ADGB: variants seen among roughly 807,000 people sequenced by gnomAD.
ADGB encodes androglobin.
A neutral mutation model predicts 210.5 loss-of-function variants in ADGB; 172 were observed. The observed-to-expected ratio is 0.82, with a 90% CI of 0.72 to 0.93. ADGB has a LOEUF of 0.93. Ranked by LOEUF, ADGB falls within the 40% of genes least tolerant of loss-of-function variation. The pLI is 0.00. For missense variants in ADGB, 2,025 were observed against 1,964.8 expected (o/e 1.03, Z -0.58); for synonymous variants, 658 against 662.7 (o/e 0.99, Z 0.11).
At chr6:146,801,791 A>G (rs758590942) in intron 34 of ADGB, 37 bp from the exon 35 acceptor site, 47 of 1,504,920 alleles carry the variant, frequency 3.1e-5, no homozygotes, top group Non-Finnish European at 4.1e-5. Flanking sequence ...AGAGTTCCCA[A>G]ATGAAATCTG....
intron 22 of ADGB, among the ~76,000 whole-genome samples, chr6:146,734,402 AT>A: frequency 6.6e-6 from 1 of 152,366 alleles, no homozygotes; most frequent in East Asian, 1.9e-4. Flanking sequence ...CAGCTAAGTC[AT>A]AGATATTTTC....
At chr6:146,754,297 C>T (rs895582323) in intron 27 of ADGB, among the ~76,000 whole-genome samples, 2 of 150,618 alleles carry the variant, frequency 1.3e-5, no homozygotes, top group African/African-American at 4.9e-5. Context: ...TGAATTTACT[C>T]TGTATTATTG....
chr6:146,697,834 C>A (rs894361397), intron 12 of ADGB, among the ~76,000 whole-genome samples: 1 of 152,094 alleles, frequency 6.6e-6, no homozygotes, highest in Non-Finnish European at 1.5e-5. Flanking sequence ...AAGAAAACTG[C>A]AGCTAGACAC....
intron 7 of ADGB, among the ~76,000 whole-genome samples, chr6:146,669,918 A>C (rs1486984077): frequency 6.6e-6 from 1 of 152,098 alleles, no homozygotes; most frequent in Non-Finnish European, 1.5e-5. Context: ...CATCCCTAGA[A>C]TGCATCATCT....
In ADGB at chr6:146,785,577, G is replaced by C. The variant is rs753827369; in HGVS notation, c.4213-33G>C. On this transcript the variant is annotated intron_variant, in intron 31 of 35. Coordinates refer to ENST00000397944, the MANE Select transcript of ADGB (RefSeq NM_024694.4). Reference sequence around the variant, plus strand: ...CTGTACTGGTTGTTGCTTTTGAAGAGCTTTTAAAAAGCTGCTCATGTTTGT... The same window carrying C: ...CTGTACTGGTTGTTGCTTTTGAAGACCTTTTAAAAAGCTGCTCATGTTTGT... 7 of 1,522,438 alleles carry C rather than the reference G, an allele frequency of 4.6e-6. No homozygotes were observed. In the East Asian group the frequency reaches 1.7e-4, roughly 37 times the overall value. The allele number at this position is 1,522,438 out of a possible 1,614,324, so 94.3% of individuals were successfully genotyped here. A position where few individuals can be genotyped will look rare whatever the true frequency, so the allele number is the denominator to read the frequency against.
Position 146,784,761 on chromosome 6 carries a change from C to T in ADGB, c.4179C>T (p.Ala1393=). The part of the protein sequence containing the change: ...RADEIRAMKQ[A]WETTEPGRAI... Reference sequence around the variant, plus strand: ...ATGAAATCCGAGCCATGAAACAAGCCTGGGAGACAACTGAGCCAGGAAGAG... The same window carrying T: ...ATGAAATCCGAGCCATGAAACAAGCTTGGGAGACAACTGAGCCAGGAAGAG... The change falls in exon 31 of 36, where the codon GCC becomes GCT. Residue 1393 remains alanine, a synonymous_variant. Coordinates refer to ENST00000397944, the MANE Select transcript of ADGB (RefSeq NM_024694.4). The T allele has an allele frequency of 1.3e-6, 2 of 1,550,088 alleles. No individual in the cohort carries two copies. The highest frequency in any genetic ancestry group is 1.7e-6 in the Non-Finnish European group (2 of 1,146,280).
At chr6:146,738,749 C>T (rs1164281521) in intron 23 of ADGB, among the ~76,000 whole-genome samples, 3 of 152,078 alleles carry the variant, frequency 2.0e-5, no homozygotes, top group East Asian at 1.9e-4. Flanking sequence ...TGAGCCACTG[C>T]GCCCGGCCGA....
At chr6:146,672,614 G>A in intron 8 of ADGB, 147 bp downstream of exon 8, 1 of 936,564 alleles carries the variant, frequency 1.1e-6, no homozygotes, top group Non-Finnish European at 1.5e-6. Flanking sequence ...GGAATTCAAG[G>A]CAGGTCACAG....
At chr6:146,774,224 A>T (rs1003004752) in intron 29 of ADGB, among the ~76,000 whole-genome samples, 1 of 152,172 alleles carries the variant, frequency 6.6e-6, no homozygotes, top group Non-Finnish European at 1.5e-5. Context: ...TCTAGTGGAA[A>T]ACTAGATAAA....
At chr6:146,656,249 T>C (rs1775779456) in intron 4 of ADGB, among the ~76,000 whole-genome samples, 1 of 152,178 alleles carries the variant, frequency 6.6e-6, no homozygotes, top group Non-Finnish European at 1.5e-5. Flanking sequence ...CTTAGAGCAT[T>C]TCAACAGCTA....
At position 146,701,025 on chromosome 6, in the gene ADGB, A is replaced by C. The variant is rs1234654141; in HGVS notation, c.1662A>C (p.Thr554=). The C allele has an allele frequency of 6.4e-7, 1 of 1,550,994 alleles. No homozygotes were observed. The highest frequency in any genetic ancestry group is 2.4e-5 in the East Asian group (1 of 40,842). Residue 554 remains threonine (T), a synonymous_variant, in exon 13 of 36, where the codon ACA becomes ACC. Transcript: ENST00000397944. ...TCAGTGAAACTGATGAAACTGCAAC[A>C]CATAGCCAGACAGACTTGAGTCAAA... The part of the protein sequence containing the change: ...PSVSETDETA[T]HSQTDLSQIT...
intron 1 of ADGB, among the ~76,000 whole-genome samples, chr6:146,608,487 C>T (rs1780662111): frequency 6.6e-6 from 1 of 152,048 alleles, no homozygotes; most frequent in Non-Finnish European, 1.5e-5. Context: ...TGAGAAGCGT[C>T]TAACTTTTTG....
chr6:146,751,426 T>A (rs1250122028), intron 26 of ADGB, among the ~76,000 whole-genome samples: 2 of 152,116 alleles, frequency 1.3e-5, no homozygotes, highest in African/African-American at 4.8e-5. Context: ...TTGTGAATAG[T>A]GCTGCGGTGA....
intron 13 of ADGB, among the ~76,000 whole-genome samples, chr6:146,704,070 G>A (rs990334779): frequency 6.6e-6 from 1 of 151,880 alleles, no homozygotes; most frequent in African/African-American, 2.4e-5. Flanking sequence ...GTGATGTTGA[G>A]CATTTTTTAA....
At chr6:146,774,511 A>G (rs915516393) in intron 29 of ADGB, among the ~76,000 whole-genome samples, 2 of 152,224 alleles carry the variant, frequency 1.3e-5, no homozygotes, top group Non-Finnish European at 2.9e-5. Flanking sequence ...CAGCAAAGAA[A>G]TTCAGAATTA....
intron 7 of ADGB, among the ~76,000 whole-genome samples, chr6:146,668,129 T>C (rs889514937): frequency 6.6e-6 from 1 of 152,144 alleles, no homozygotes; most frequent in African/African-American, 2.4e-5. Context: ...CACCGTTTTA[T>C]CATTTTACCA....
Position 146,807,311 on chromosome 6 carries a change from A to G in ADGB, c.4818+5300A>G, listed in dbSNP as rs1778226050. 3 of 1,333,060 alleles carry G rather than the reference A, an allele frequency of 2.3e-6. No individual in the cohort carries two copies. In the East Asian group the frequency reaches 7.6e-5, roughly 34 times the overall value. The allele number at this position is 1,333,060 out of a possible 1,614,324, so 82.6% of individuals were successfully genotyped here. Reference sequence around the variant, plus strand: ...TTTTGCCTATGAATGTGTGGGCATAAGGACAGGCTAAAGGAATTTCATTTT... The same window carrying G: ...TTTTGCCTATGAATGTGTGGGCATAGGGACAGGCTAAAGGAATTTCATTTT... On this transcript the variant is annotated intron_variant, in intron 35 of 35. Coordinates refer to ENST00000397944, the MANE Select transcript of ADGB (RefSeq NM_024694.4).
At chr6:146,806,282 G>C (rs144917338) in intron 35 of ADGB, among the ~76,000 whole-genome samples, 16 of 152,160 alleles carry the variant, frequency 1.1e-4, no homozygotes, top group African/African-American at 3.6e-4. Flanking sequence ...GCCATTTTAA[G>C]AGAAACATGA....
rs925458612 is a variant in ADGB, at chr6:146,766,058, C to T, written c.3750+1958C>T. On this transcript the variant is annotated intron_variant, in intron 28 of 35. Transcript: ENST00000397944. ...ATTAGGGTGGAGGTGTAACAACAGA[C>T]AATGGGTTAAAAAAATAAGAGTATT... is the stretch of plus-strand genomic sequence containing the variant. Among the ~76,000 whole-genome samples, 4 of 151,908 alleles carry T rather than the reference C, an allele frequency of 2.6e-5. No individual in the cohort carries two copies. The South Asian group carries it at 6.2e-4, about 24-fold the overall frequency.
Sources: allele counts gnomAD v4.1 joint callset (sites outside exome capture counted in the v4.1 genomes callset), GRCh38; gene constraint gnomAD v4.1.1; transcripts MANE v1.5; gene names NCBI Gene and HGNC (gene_info 2026-07-23, HGNC 2026-07-21).